ASAP2: variants seen among roughly 807,000 people sequenced by gnomAD.
ASAP2 encodes arf-GAP with SH3 domain, ANK repeat and PH domain-containing protein 2.
Under a neutral mutation model 131.4 loss-of-function variants are expected in ASAP2, and 45 were observed. That is an observed-to-expected ratio of 0.34 (90% confidence interval 0.27 to 0.44). The LOEUF is 0.44. Ranked by LOEUF, ASAP2 falls within the 20% of genes least tolerant of loss-of-function variation. The probability of loss-of-function intolerance (pLI) is 1.00; values close to 1 mark genes in which losing one functional copy is unlikely to be tolerated. For synonymous variants in ASAP2, 510 were observed against 503.0 expected (o/e 1.01, Z -0.19); for missense variants, 1,011 against 1,297.0 (o/e 0.78, Z 3.39).
chr2:9,402,738 C>A (rs528861537), intron 27 of ASAP2, among the ~76,000 whole-genome samples: 1 of 152,206 alleles, frequency 6.6e-6, no homozygotes, highest in Non-Finnish European at 1.5e-5. Context: ...TATTTGCCTA[C>A]ATCATTTACA....
intron 21 of ASAP2, 65 bp downstream of exon 21, chr2:9,385,423 A>G: frequency 8.0e-7 from 1 of 1,250,284 alleles, no homozygotes; most frequent in Non-Finnish European, 1.2e-6. Flanking sequence ...TGTGGGTCCT[A>G]ATCTGTAATT....
At chr2:9,223,902 G>C (rs1404138233) in intron 1 of ASAP2, among the ~76,000 whole-genome samples, 1 of 152,180 alleles carries the variant, frequency 6.6e-6, no homozygotes, top group African/African-American at 2.4e-5. Context: ...TTGATGTTAG[G>C]TTGGTCATTA....
intron 27 of ASAP2, among the ~76,000 whole-genome samples, chr2:9,402,739 A>G (rs1285891346): frequency 6.6e-6 from 1 of 152,244 alleles, no homozygotes; most frequent in African/African-American, 2.4e-5. Context: ...ATTTGCCTAC[A>G]TCATTTACAC....
At position 9,335,164 on chromosome 2, in the gene ASAP2, G is replaced by T. The variant is rs752262463; in HGVS notation, c.834G>T (p.Gln278His). The T allele has an allele frequency of 9.3e-6, 15 of 1,614,144 alleles. No individual in the cohort carries two copies. The highest frequency in any genetic ancestry group is 1.3e-5 in the Non-Finnish European group (15 of 1,179,994). Residue 278 changes from glutamine to histidine, a missense_variant, in exon 9 of 28, where the codon CAG becomes CAT. By Grantham distance (24) the Gln-to-His change is conservative (BLOSUM62 0). Transcript: ENST00000281419. ...GAGATATTTTGAAATCCGCATTGCA[G>T]GTTGAACAGAAAGAGGTGAGGGGAT... Reference protein sequence around the residue: ...QLRDILKSALQVEQKEDSQIR... With the variant: ...QLRDILKSALHVEQKEDSQIR...
At chr2:9,236,329 C>A (rs558404136) in intron 1 of ASAP2, among the ~76,000 whole-genome samples, 1 of 152,058 alleles carries the variant, frequency 6.6e-6, no homozygotes, top group Non-Finnish European at 1.5e-5. Context: ...ATATTAAGTT[C>A]GTCGACATCT....
At chr2:9,380,445 AC>A (rs1459975034) in intron 19 of ASAP2, among the ~76,000 whole-genome samples, 2 of 151,648 alleles carry the variant, frequency 1.3e-5, no homozygotes, top group African/African-American at 4.8e-5. Flanking sequence ...TGATCCACCC[AC>A]CTCTGCCTCC....
At chr2:9,355,176 G>C (rs1473835165) in intron 12 of ASAP2, among the ~76,000 whole-genome samples, 1 of 152,118 alleles carries the variant, frequency 6.6e-6, no homozygotes, top group Non-Finnish European at 1.5e-5. Flanking sequence ...ATCTTACTCA[G>C]ATTTTACCAG....
intron 22 of ASAP2, among the ~76,000 whole-genome samples, chr2:9,390,648 C>G (rs926736960): frequency 6.6e-6 from 1 of 152,184 alleles, no homozygotes; most frequent in Non-Finnish European, 1.5e-5. Flanking sequence ...CGGTGTTCCT[C>G]TTCACATGGT....
chr2:9,226,379 C>G (rs76503717), intron 1 of ASAP2, among the ~76,000 whole-genome samples: 87 of 152,310 alleles, frequency 5.7e-4, no homozygotes, highest in African/African-American at 2.0e-3. Flanking sequence ...GCGGGGTCAC[C>G]TCCCTGAGGC....
At position 9,401,387 on chromosome 2, in the gene ASAP2, G is replaced by C. The variant is rs377390154; in HGVS notation, c.2937G>C (p.Gln979His). 3 of 1,613,504 alleles carry C rather than the reference G, an allele frequency of 1.9e-6. No individual in the cohort carries two copies. Among genetic ancestry groups the C allele is most frequent in the Non-Finnish European group, 2.5e-6 (3 of 1,179,860 alleles). ...DVIIVDGEED[Q>H]EWWIGHIDGD... ...TCATCGTGGACGGGGAGGAGGACCA[G>C]GAGTGGTGGGTGAGTCAAGGGTGGG... The change falls in exon 27 of 28, where the codon CAG (glutamine) becomes CAC (histidine). Residue 979 changes from glutamine (Q) to histidine (H), a missense_variant. Gln to His is a conservative substitution (Grantham distance 24). Coordinates refer to ENST00000281419, the MANE Select transcript of ASAP2 (RefSeq NM_003887.3).
rs777540234 is a variant in ASAP2 at position 9,393,478 on chromosome 2, G to T, written c.2519-4G>T. ...CTCTGCACGTCTCTCCCTGTCCTCC[G>T]CAGATCCCCTGACCCCCACGCCGCC... On this transcript the variant is annotated splice_region_variant and splice_polypyrimidine_tract_variant and intron_variant, in intron 23 of 27. Transcript: ENST00000281419. The T allele has an allele frequency of 6.9e-6, 11 of 1,603,138 alleles. No homozygotes were observed. Among genetic ancestry groups the T allele is most frequent in the Non-Finnish European group, 9.4e-6 (11 of 1,175,112 alleles).
rs190833955 is a variant in ASAP2 at position 9,349,332 on chromosome 2, G to A, written c.1024-1476G>A. On this transcript the variant is annotated intron_variant, in intron 11 of 27. Coordinates refer to ENST00000281419, the MANE Select transcript of ASAP2 (RefSeq NM_003887.3). ...CACGTGTACAGTTGTGTCATCACAG[G>A]GAGGTAACAGAATAGACACAGGCTA... Among the ~76,000 whole-genome samples the A allele has an allele frequency of 4.5e-3, 688 of 152,284 alleles. 4 individuals are homozygous for A. The highest frequency in any genetic ancestry group is 0.016 in the African/African-American group (666 of 41,558).
chr2:9,313,572 C>T (rs964108044), intron 3 of ASAP2, among the ~76,000 whole-genome samples: 6 of 152,216 alleles, frequency 3.9e-5, no homozygotes, highest in Non-Finnish European at 5.9e-5. Flanking sequence ...CGCCAGCTGC[C>T]GGACAGCGAC....
chr2:9,245,076 G>C (rs143138736), intron 1 of ASAP2, among the ~76,000 whole-genome samples: 2 of 152,280 alleles, frequency 1.3e-5, no homozygotes, highest in African/African-American at 4.8e-5. Context: ...CTTACTGGTA[G>C]TGTGGCCTTG....
intron 1 of ASAP2, among the ~76,000 whole-genome samples, chr2:9,238,429 C>T (rs1054250265): frequency 2.0e-5 from 3 of 152,176 alleles, no homozygotes; most frequent in Non-Finnish European, 2.9e-5. Flanking sequence ...CAGCCACATC[C>T]GCTTGAAAAA....
intron 4 of ASAP2, among the ~76,000 whole-genome samples, chr2:9,319,485 C>T (rs1048073267): frequency 4.6e-5 from 7 of 152,204 alleles, no homozygotes; most frequent in Admixed American, 6.5e-5. Flanking sequence ...GCCCAACTCA[C>T]GGGCGGGAAG....
At chr2:9,237,677 C>T (rs1240080631) in intron 1 of ASAP2, among the ~76,000 whole-genome samples, 2 of 152,130 alleles carry the variant, frequency 1.3e-5, no homozygotes, top group Non-Finnish European at 2.9e-5. Flanking sequence ...GCCTCGGCCC[C>T]TCAAAGTGCT....
rs111848425 is a variant in ASAP2 at position 9,245,070 on chromosome 2, C to T, written c.127-34247C>T. Among the ~76,000 whole-genome samples the T allele has an allele frequency of 4.1e-3, 631 of 152,306 alleles. 7 individuals are homozygous for T. The highest frequency in any genetic ancestry group is 0.014 in the African/African-American group (600 of 41,570). ...TTTGGTTGTGAACTTTTACCTCTTACTGGTAGTGTGGCCTTGGGCAAGTCA... is the reference window on the plus strand; with the variant it reads ...TTTGGTTGTGAACTTTTACCTCTTATTGGTAGTGTGGCCTTGGGCAAGTCA... On this transcript the variant is annotated intron_variant, in intron 1 of 27. Coordinates refer to ENST00000281419, the MANE Select transcript of ASAP2 (RefSeq NM_003887.3).
rs144381833 is a variant in ASAP2 at position 9,345,478 on chromosome 2, A to G, written c.1023+678A>G. On this transcript the variant is annotated intron_variant, in intron 11 of 27. Transcript: ENST00000281419. ...TCACAGACACAGCCCTGCACACCAC[A>G]CTGTTCTTTCCATGGCAGCGTTATA... is the stretch of plus-strand genomic sequence containing the variant. Among the ~76,000 whole-genome samples the G allele has an allele frequency of 2.6e-3, 390 of 152,124 alleles. 2 individuals carry two copies. The highest frequency in any genetic ancestry group is 9.1e-3 in the African/African-American group (378 of 41,494).
Sources: gnomAD v4.1 joint callset for allele counts (sites outside exome capture counted in the v4.1 genomes callset) on GRCh38, gnomAD v4.1.1 for gene constraint, MANE v1.5 for transcripts, NCBI Gene and HGNC (gene_info 2026-07-23, HGNC 2026-07-21) for gene names.